Variants in RAB3IP observed in about 807,000 individuals in gnomAD.
The protein encoded by RAB3IP is RAB3A interacting protein.
In RAB3IP, 36 loss-of-function variants were observed where a neutral mutation model predicts 59.1. That is an observed-to-expected ratio of 0.61 (90% CI 0.47 to 0.80). RAB3IP has a LOEUF of 0.80. Ranked by LOEUF, RAB3IP falls within the 30% of genes least tolerant of loss-of-function variation. RAB3IP has a pLI of 0.00. For synonymous variants in RAB3IP, 207 were observed against 191.2 expected (o/e 1.08, Z -0.68); for missense variants, 511 against 536.0 (o/e 0.95, Z 0.46).
At chr12:69,754,570 A>C (rs1869886468) in intron 1 of RAB3IP, among the ~76,000 whole-genome samples, 1 of 152,230 alleles carries the variant, frequency 6.6e-6, no homozygotes, top group Admixed American at 6.5e-5. Flanking sequence ...TCTATGGTAC[A>C]GCAGGATGAC....
At chr12:69,746,172 C>G (rs1485582112) in intron 1 of RAB3IP, among the ~76,000 whole-genome samples, 1 of 152,230 alleles carries the variant, frequency 6.6e-6, no homozygotes, top group Non-Finnish European at 1.5e-5. Context: ...GTGAAGTTCT[C>G]ATTGCCTTGG....
chr12:69,814,043 A>G (rs1880833168), intron 10 of RAB3IP, among the ~76,000 whole-genome samples: 1 of 152,194 alleles, frequency 6.6e-6, no homozygotes, highest in African/African-American at 2.4e-5. Flanking sequence ...TTGAATTTCA[A>G]AAGGCCTAAT....
At chr12:69,783,741 G>A (rs767642217) in intron 3 of RAB3IP, among the ~76,000 whole-genome samples, 8 of 152,170 alleles carry the variant, frequency 5.3e-5, no homozygotes, top group Non-Finnish European at 1.0e-4. Flanking sequence ...TTTGGGTTTT[G>A]TTGCTTTGTA....
chr12:69,756,363 C>G (rs1565877407), intron 2 of RAB3IP, 42 bp from the exon 3 acceptor site: 2 of 1,599,622 alleles, frequency 1.3e-6, no homozygotes, highest in Non-Finnish European at 1.7e-6. Flanking sequence ...TCTATTGGAG[C>G]ATATGCTGAT....
intron 3 of RAB3IP, among the ~76,000 whole-genome samples, chr12:69,779,370 G>A (rs1050126989): frequency 6.6e-6 from 1 of 150,934 alleles, no homozygotes; most frequent in Admixed American, 6.6e-5. Flanking sequence ...GAAATCACCC[G>A]TCTTCTGCGT....
chr12:69,762,356 T>A (rs1871440153), intron 3 of RAB3IP, among the ~76,000 whole-genome samples: 1 of 152,186 alleles, frequency 6.6e-6, no homozygotes, highest in Non-Finnish European at 1.5e-5. Context: ...GAAATCAAAT[T>A]ATTGTGTTGA....
chr12:69,794,436 G>A lies in RAB3IP; in HGVS notation c.607-1G>A. ...AAAATTTGAGATGTTAACTTTTTCA[G>A]GAAGCTCATAAAATGGTGAGAGAAG... On this transcript the variant is annotated splice_acceptor_variant, in intron 4 of 10. Coordinates refer to ENST00000247833, the MANE Select transcript of RAB3IP (RefSeq NM_022456.5). LOFTEE classifies it high-confidence loss of function. The A allele has an allele frequency of 2.5e-6, 4 of 1,608,160 alleles. No homozygotes were observed. The highest frequency in any genetic ancestry group is 3.4e-6 in the Non-Finnish European group (4 of 1,177,484).
chr12:69,746,449 T>C (rs1048044466), intron 1 of RAB3IP, among the ~76,000 whole-genome samples: 4 of 152,186 alleles, frequency 2.6e-5, no homozygotes, highest in East Asian at 1.9e-4. Flanking sequence ...ATCTGACTTA[T>C]ATTTTACTTC....
At chr12:69,815,335 T>G (rs1156995612) in intron 10 of RAB3IP, 29 bp from the exon 11 acceptor site, 1 of 1,468,520 alleles carries the variant, frequency 6.8e-7, no homozygotes, top group Admixed American at 1.7e-5. Context: ...ATTTTATGAT[T>G]TAAATATCTC....
rs1197578622 is a variant in RAB3IP at position 69,756,576 on chromosome 12, T to C, written c.423T>C (p.Ser141=). Reference sequence around the variant, plus strand: ...ATATTTTTGGGTTGAGTACTGATAGTCTGTCTCGTTTACGAAGCCCATCTG... The same window carrying C: ...ATATTTTTGGGTTGAGTACTGATAGCCTGTCTCGTTTACGAAGCCCATCTG... ...SDDIFGLSTD[S]LSRLRSPSVL... Residue 141 remains serine, a synonymous_variant, in exon 3 of 11, where the codon AGT becomes AGC. Coordinates refer to ENST00000247833, the MANE Select transcript of RAB3IP (RefSeq NM_022456.5). 1.2e-6 allele frequency: 2 copies of C among 1,614,116 alleles called. No individual in the cohort carries two copies. Among genetic ancestry groups the C allele is most frequent in the South Asian group, 1.1e-5 (1 of 91,078 alleles).
At chr12:69,771,458 T>G (rs1004714170) in intron 3 of RAB3IP, among the ~76,000 whole-genome samples, 1 of 152,016 alleles carries the variant, frequency 6.6e-6, no homozygotes, top group Admixed American at 6.6e-5. Flanking sequence ...GCTTCTGTGG[T>G]TGAGGCTGCA....
intron 8 of RAB3IP, 186 bp from the exon 9 acceptor site, chr12:69,812,592 A>G: frequency 3.5e-6 from 2 of 570,548 alleles, no homozygotes; most frequent in Non-Finnish European, 3.1e-6. Context: ...TACTAATAGA[A>G]TGTAAGTCTC....
At chr12:69,788,299 C>T (rs980629406) in intron 4 of RAB3IP, among the ~76,000 whole-genome samples, 2 of 152,020 alleles carry the variant, frequency 1.3e-5, no homozygotes, top group Non-Finnish European at 2.9e-5. Context: ...GATGGTACAG[C>T]CTATTACACA....
intron 1 of RAB3IP, among the ~76,000 whole-genome samples, chr12:69,744,761 G>A (rs890821170): frequency 6.6e-6 from 1 of 151,782 alleles, no homozygotes; most frequent in Non-Finnish European, 1.5e-5. Context: ...ATAAAAATGG[G>A]AAAATTGTGT....
intron 3 of RAB3IP, among the ~76,000 whole-genome samples, chr12:69,758,756 C>CTTTTTTTTTTTTTTTTTTTTTTT (rs71437121): frequency 6.2e-5 from 3 of 48,228 alleles, no homozygotes; most frequent in East Asian, 1.0e-3. Flanking sequence ...GTGTTCATTC[C>CTTTTTTTTTTTTTTTTTTTTTTT]TTTTTTTTTT....
chr12:69,794,537 AGT>A (rs1299712023), intron 5 of RAB3IP, 23 bp downstream of exon 5: 4 of 1,568,322 alleles, frequency 2.6e-6, no homozygotes, highest in Non-Finnish European at 2.6e-6. Context: ...AGCTCTTAAT[AGT>A]ATAAAATAAA....
chr12:69,756,068 A>G (rs928356599), intron 2 of RAB3IP, among the ~76,000 whole-genome samples: 7 of 152,254 alleles, frequency 4.6e-5, no homozygotes, highest in Admixed American at 3.9e-4. Flanking sequence ...TGTAAAAACT[A>G]TACTTGGCTC....
chr12:69,742,503 T>C (rs895679378), intron 1 of RAB3IP, among the ~76,000 whole-genome samples: 1 of 152,178 alleles, frequency 6.6e-6, no homozygotes, highest in Non-Finnish European at 1.5e-5. Flanking sequence ...TGTAATTGTT[T>C]CTAGGGCCCT....
At chr12:69,802,474 A>G (rs1878550827) in intron 8 of RAB3IP, among the ~76,000 whole-genome samples, 1 of 152,236 alleles carries the variant, frequency 6.6e-6, no homozygotes, top group Admixed American at 6.5e-5. Context: ...GAATGACTGA[A>G]ACCAACAGTG....
Sources: allele counts gnomAD v4.1 joint callset (sites outside exome capture counted in the v4.1 genomes callset), GRCh38; gene constraint gnomAD v4.1.1; transcripts MANE v1.5; gene names NCBI Gene and HGNC (gene_info 2026-07-23, HGNC 2026-07-21).